Variants in PAQR8 observed in about 807,000 individuals in gnomAD.
PAQR8 encodes the protein membrane progestin receptor beta.
PAQR8 carries 17 observed loss-of-function variants against 25.2 expected under a neutral mutation model. The observed-to-expected ratio is 0.67, with a 90% CI of 0.46 to 1.01. The LOEUF (loss-of-function observed/expected upper bound fraction) is 1.01, where lower values mean the gene tolerates loss of function less well. Among genes scored for constraint, PAQR8 ranks in the 50% least tolerant of loss-of-function variants. The probability of loss-of-function intolerance (pLI) is 0.00; values close to 1 mark genes in which losing one functional copy is unlikely to be tolerated. For synonymous variants in PAQR8, 204 were observed against 190.6 expected (o/e 1.07, Z -0.58); for missense variants, 392 against 448.4 (o/e 0.87, Z 1.14).
At chr6:52,368,556 T>C (rs1763381563) in intron 1 of PAQR8, among the ~76,000 whole-genome samples, 1 of 152,218 alleles carries the variant, frequency 6.6e-6, no homozygotes, top group South Asian at 2.1e-4. Context: ...TGTTTAGTCT[T>C]GGGTATATGT....
At position 52,362,293 on chromosome 6, in the gene PAQR8, T is replaced by C. The variant is rs1174174235; in HGVS notation, c.-53+44T>C. The C allele has an allele frequency of 1.3e-5, 2 of 152,320 alleles. No homozygotes were observed. Among genetic ancestry groups the C allele is most frequent in the African/African-American group, 2.4e-5 (1 of 41,452 alleles). The allele number at this position is 152,320 out of a possible 1,614,324, so 9.4% of individuals were successfully genotyped here. On this transcript the variant is annotated intron_variant, in intron 1 of 1. Transcript: ENST00000442253. The surrounding 1 kb of genome is among the most constrained non-coding windows in gnomAD (Gnocchi z 4.1). ...GGCGCGGAACGGGTCGAGTTGGGTA[T>C]TGGGACCGCGAGGTCGGGGAGCCCC...
intron 1 of PAQR8, among the ~76,000 whole-genome samples, chr6:52,377,183 G>T (rs147711103): frequency 1.3e-5 from 2 of 152,256 alleles, no homozygotes; most frequent in African/African-American, 4.8e-5. Flanking sequence ...GCTTAAAATG[G>T]AAAAGTGACA....
Position 52,403,805 on chromosome 6 carries a change from A to G in PAQR8, c.592A>G (p.Lys198Glu). 1 of 1,614,184 alleles carries G rather than the reference A, an allele frequency of 6.2e-7. No homozygotes were observed. ...WLSCAGCCYA[K>E]YRYRRPYPVM... ...ATCTTGTGCTGGCTGTTGCTATGCCAAATATCGTTACCGGAGGCCTTATCC... is the reference window on the plus strand; with the variant it reads ...ATCTTGTGCTGGCTGTTGCTATGCCGAATATCGTTACCGGAGGCCTTATCC... Residue 198 changes from lysine to glutamate, a missense_variant, in exon 2 of 2, where the codon AAA becomes GAA. Coordinates refer to ENST00000442253, the MANE Select transcript of PAQR8 (RefSeq NM_133367.5).
At chr6:52,392,743 C>T (rs982320205) in intron 1 of PAQR8, among the ~76,000 whole-genome samples, 1 of 152,174 alleles carries the variant, frequency 6.6e-6, no homozygotes, top group Non-Finnish European at 1.5e-5. Context: ...GTAAAGCTAG[C>T]CACAACAAAC....
At chr6:52,382,575 G>C (rs1763573588) in intron 1 of PAQR8, among the ~76,000 whole-genome samples, 1 of 151,670 alleles carries the variant, frequency 6.6e-6, no homozygotes, top group East Asian at 2.0e-4. Flanking sequence ...AATGAAAGAA[G>C]AATGTTAGGT....
intron 1 of PAQR8, among the ~76,000 whole-genome samples, chr6:52,388,818 G>A (rs1763662950): frequency 6.6e-6 from 1 of 152,230 alleles, no homozygotes; most frequent in Admixed American, 6.5e-5. Flanking sequence ...ACTTCAGGCT[G>A]TCGCTAAGCT....
intron 1 of PAQR8, among the ~76,000 whole-genome samples, chr6:52,374,876 T>C (rs1295627666): frequency 1.3e-5 from 2 of 151,422 alleles, no homozygotes; most frequent in Non-Finnish European, 2.9e-5. Context: ...AAATTCCACC[T>C]TTGGCTCTCT....
intron 1 of PAQR8, among the ~76,000 whole-genome samples, chr6:52,391,247 G>C (rs983267261): frequency 2.0e-5 from 3 of 152,180 alleles, no homozygotes; most frequent in African/African-American, 7.2e-5. Flanking sequence ...TTTTCTAAGT[G>C]CAGTGGAGAC....
intron 1 of PAQR8, chr6:52,373,742 T>G (rs1432273060): frequency 2.0e-5 from 3 of 151,988 alleles, no homozygotes; most frequent in Non-Finnish European, 4.4e-5. Flanking sequence ...GGATCTGTTT[T>G]TTTTTTTTTT....
chr6:52,388,196 C>T (rs866787025), intron 1 of PAQR8, among the ~76,000 whole-genome samples: 12 of 152,068 alleles, frequency 7.9e-5, no homozygotes, highest in African/African-American at 1.7e-4. Flanking sequence ...GCCAACATGG[C>T]GAAACCCCAT....
chr6:52,393,173 C>A (rs73443984), intron 1 of PAQR8, among the ~76,000 whole-genome samples: 226 of 152,182 alleles, frequency 1.5e-3, no homozygotes, highest in Non-Finnish European at 2.6e-3. Flanking sequence ...CTCTCTGTAA[C>A]TGTTTCCTTA....
chr6:52,370,613 G>A (rs1353475377), intron 1 of PAQR8, among the ~76,000 whole-genome samples: 1 of 152,172 alleles, frequency 6.6e-6, no homozygotes, highest in Admixed American at 6.5e-5. Flanking sequence ...CTTACAGTTT[G>A]AGTGTAATTC....
chr6:52,406,475 C>T lies in PAQR8; in HGVS notation c.*2197C>T, dbSNP rs571083131. The stretch of plus-strand genomic sequence containing the variant: ...TCTGAACATTGTTAATGGCCTGTGA[C>T]ATGATGAGCACAGGAACAGGCATGA... On this transcript the variant is annotated 3_prime_UTR_variant, in exon 2 of 2. Transcript: ENST00000442253. The T allele has an allele frequency of 2.4e-6, 1 of 413,478 alleles. No individual in the cohort carries two copies. The highest frequency in any genetic ancestry group is 1.3e-4 in the South Asian group (1 of 7,862). The allele number at this position is 413,478 out of a possible 1,614,324, so 25.6% of individuals were successfully genotyped here. A position where few individuals can be genotyped will look rare whatever the true frequency, so the allele number is the denominator to read the frequency against.
chr6:52,366,006 G>A (rs1362483852), intron 1 of PAQR8, among the ~76,000 whole-genome samples: 5 of 152,188 alleles, frequency 3.3e-5, no homozygotes, highest in African/African-American at 9.6e-5. Flanking sequence ...CTCTTGGCAC[G>A]TATTGAAAGA....
chr6:52,400,739 C>T (rs988895738), intron 1 of PAQR8, among the ~76,000 whole-genome samples: 8 of 152,164 alleles, frequency 5.3e-5, no homozygotes, highest in Admixed American at 3.9e-4. Flanking sequence ...TTGCTGAGAC[C>T]TCTGTGAACC....
At chr6:52,368,569 G>A (rs1234546394) in intron 1 of PAQR8, among the ~76,000 whole-genome samples, 1 of 152,132 alleles carries the variant, frequency 6.6e-6, no homozygotes, top group East Asian at 1.9e-4. Context: ...GTATATGTTG[G>A]CTTCTAATTG....
chr6:52,385,538 A>G (rs559781584), intron 1 of PAQR8, among the ~76,000 whole-genome samples: 1 of 152,320 alleles, frequency 6.6e-6, no homozygotes, highest in African/African-American at 2.4e-5. Flanking sequence ...CAACAAAAAC[A>G]AAAAATTGAC....
chr6:52,392,016 T>C (rs1170239291), intron 1 of PAQR8, among the ~76,000 whole-genome samples: 2 of 152,150 alleles, frequency 1.3e-5, no homozygotes, highest in African/African-American at 2.4e-5. Flanking sequence ...AGAGCTTATA[T>C]AGATTACACC....
At chr6:52,378,102 A>T (rs572707981) in intron 1 of PAQR8, among the ~76,000 whole-genome samples, 1 of 152,338 alleles carries the variant, frequency 6.6e-6, no homozygotes, top group Admixed American at 6.5e-5. Context: ...AATAGCTAAA[A>T]ATAGTAGATT....
Sources: gnomAD v4.1 joint callset for allele counts (sites outside exome capture counted in the v4.1 genomes callset) on GRCh38, gnomAD v4.1.1 for gene constraint, Gnocchi (gnomAD v3.1) non-coding constraint, MANE v1.5 for transcripts, NCBI Gene and HGNC (gene_info 2026-07-23, HGNC 2026-07-21) for gene names.